The following SYNE2 variants were observed in gnomAD, a reference collection of about 807,000 sequenced individuals.
SYNE2 encodes nesprin-2.
Under a neutral mutation model 856.3 loss-of-function variants are expected in SYNE2, and 431 were observed. The observed-to-expected ratio is 0.50, with a 90% CI of 0.47 to 0.55. The LOEUF (loss-of-function observed/expected upper bound fraction) is 0.55, where lower values mean the gene tolerates loss of function less well. Ranked by LOEUF, SYNE2 falls within the 20% of genes least tolerant of loss-of-function variation. The probability of loss-of-function intolerance (pLI) is 0.00; values close to 1 mark genes in which losing one functional copy is unlikely to be tolerated. For missense variants in SYNE2, 8,129 were observed against 8,023.2 expected (o/e 1.01, Z -0.50); for synonymous variants, 2,923 against 2,872.3 (o/e 1.02, Z -0.56).
intron 1 of SYNE2, among the ~76,000 whole-genome samples, chr14:63,891,482 C>T (rs1746515935): frequency 6.6e-6 from 1 of 151,966 alleles, no homozygotes; most frequent in South Asian, 2.1e-4. Context: ...AGACATCCCC[C>T]TTTTCCTGGT....
At chr14:63,809,477 TTTG>T (rs1888528655) in intron 1 of SYNE2, among the ~76,000 whole-genome samples, 1 of 152,080 alleles carries the variant, frequency 6.6e-6, no homozygotes, top group Non-Finnish European at 1.5e-5. Flanking sequence ...AAGTGGGGTT[TTTG>T]TTTGTTTGTT....
chr14:63,964,962 C>CTT lies in SYNE2; in HGVS notation c.990+979_990+980dup, dbSNP rs750645462. ...GATTATTACCACATATTGAACATTT[C>CTT]TTTTTTTTTTTTTTTTTTGAGGCGG... On this transcript the variant is annotated intron_variant, in intron 10 of 115. Coordinates refer to ENST00000555002, the MANE Select transcript of SYNE2 (RefSeq NM_182914.3). Among the ~76,000 whole-genome samples the CTT allele has an allele frequency of 3.4e-3, 439 of 130,998 alleles. 5 individuals are homozygous for CTT. Among genetic ancestry groups the CTT allele is most frequent in the African/African-American group, 0.011 (402 of 35,806 alleles). The allele number at this position is 130,998 out of a possible 152,430, so 85.9% of individuals were successfully genotyped here. A position where few individuals can be genotyped will look rare whatever the true frequency, so the allele number is the denominator to read the frequency against.
rs528423261 is a variant in SYNE2 at position 63,995,269 on chromosome 14, A to T, written c.2940+67A>T. The T allele has an allele frequency of 2.9e-6, 4 of 1,398,958 alleles. No homozygotes were observed. The African/African-American group carries it at 5.7e-5, about 20-fold the overall frequency. The allele number at this position is 1,398,958 out of a possible 1,614,324, so 86.7% of individuals were successfully genotyped here. ...GGGTTTATCTTAAATGGTTGTGTGT[A>T]TCTTTAGCCTAGGATGAAAACTGTT... On this transcript the variant is annotated intron_variant, in intron 23 of 115. Coordinates refer to ENST00000555002, the MANE Select transcript of SYNE2 (RefSeq NM_182914.3).
chr14:63,866,400 C>T (rs1204197615), intron 1 of SYNE2, among the ~76,000 whole-genome samples: 1 of 152,184 alleles, frequency 6.6e-6, no homozygotes, highest in Non-Finnish European at 1.5e-5. Context: ...TAGTTGCTCA[C>T]ACCTGTAATC....
intron 51 of SYNE2, among the ~76,000 whole-genome samples, chr14:64,068,412 A>G (rs758368426): frequency 6.6e-6 from 1 of 152,020 alleles, no homozygotes; most frequent in Non-Finnish European, 1.5e-5. Context: ...ACTTTTTTTC[A>G]CTAAGCATAA....
intron 1 of SYNE2, among the ~76,000 whole-genome samples, chr14:63,846,717 C>T (rs1050328420): frequency 6.6e-6 from 1 of 151,952 alleles, no homozygotes; most frequent in African/African-American, 2.4e-5. Context: ...CTGCCTCAGC[C>T]TCCTGAGTAG....
chr14:64,090,696 TTCAAC>T (rs1462203172), intron 59 of SYNE2, among the ~76,000 whole-genome samples, 165 bp from the exon 60 acceptor site: 1 of 152,218 alleles, frequency 6.6e-6, no homozygotes, highest in Non-Finnish European at 1.5e-5. Context: ...TCCTGAGACT[TTCAAC>T]TCCCGGATCA....
At chr14:63,978,686 G>A (rs1340087548) in intron 13 of SYNE2, among the ~76,000 whole-genome samples, 166 bp from the exon 14 acceptor site, 1 of 152,110 alleles carries the variant, frequency 6.6e-6, no homozygotes, top group African/African-American at 2.4e-5. Context: ...CCTAGTCACA[G>A]TATTCGTTTT....
intron 10 of SYNE2, 105 bp from the exon 11 acceptor site, chr14:63,967,604 T>G: frequency 1.6e-6 from 2 of 1,263,790 alleles, no homozygotes; most frequent in Non-Finnish European, 2.2e-6. Context: ...TACCTTTAAG[T>G]AAAAACTTAA....
intron 96 of SYNE2, among the ~76,000 whole-genome samples, chr14:64,178,620 G>A (rs1432885688): frequency 3.3e-5 from 5 of 152,036 alleles, no homozygotes; most frequent in African/African-American, 4.8e-5. Context: ...CGCCATGCCC[G>A]GCTAATTTTT....
chr14:64,134,748 A>G (rs1272738637), intron 78 of SYNE2, among the ~76,000 whole-genome samples: 1 of 151,894 alleles, frequency 6.6e-6, no homozygotes, highest in Non-Finnish European at 1.5e-5. Context: ...AGGCCAAGGC[A>G]GGTGGATTGC....
At chr14:63,952,786 C>T (rs566167936) in intron 7 of SYNE2, among the ~76,000 whole-genome samples, 4 of 152,166 alleles carry the variant, frequency 2.6e-5, no homozygotes, top group South Asian at 2.1e-4. Flanking sequence ...CTTTTTTTCC[C>T]GTAAGTAAAC....
chr14:63,814,766 CCATATATATA>C (rs1482824662), intron 1 of SYNE2, among the ~76,000 whole-genome samples: 41 of 91,972 alleles, frequency 4.5e-4, no homozygotes, highest in Admixed American at 5.5e-4. Flanking sequence ...ATATATATAT[CCATATATATA>C]TCCATATATA....
intron 45 of SYNE2, among the ~76,000 whole-genome samples, chr14:64,032,594 C>T (rs368569360): frequency 2.4e-4 from 14 of 57,156 alleles, no homozygotes; most frequent in African/African-American, 7.8e-4. Flanking sequence ...GTTGTTGAGA[C>T]GGAGTTTCAC....
intron 2 of SYNE2, among the ~76,000 whole-genome samples, chr14:63,920,629 G>A (rs1289821696): frequency 6.6e-6 from 1 of 151,392 alleles, no homozygotes; most frequent in Non-Finnish European, 1.5e-5. Flanking sequence ...AGTCTTTAAG[G>A]GAGTGAGGGT....
intron 45 of SYNE2, among the ~76,000 whole-genome samples, chr14:64,045,430 C>T (rs1158927210): frequency 9.0e-6 from 1 of 110,584 alleles, no homozygotes; most frequent in Non-Finnish European, 1.8e-5. Context: ...TTCTCTTGGG[C>T]TGGGGGTGTA....
At chr14:63,996,182 C>T (rs1431069766) in intron 23 of SYNE2, among the ~76,000 whole-genome samples, 1 of 152,082 alleles carries the variant, frequency 6.6e-6, no homozygotes, top group Non-Finnish European at 1.5e-5. Context: ...CTCATGACGC[C>T]CTTCCTCTCC....
Position 63,917,479 on chromosome 14 carries a change from A to T in SYNE2, c.79+8252A>T, listed in dbSNP as rs118049370. 1.4e-3 allele frequency among the ~76,000 whole-genome samples: 216 copies of T among 152,000 alleles called. 2 individuals carry two copies. In the East Asian group the frequency reaches 0.015, roughly 10 times the overall value. On this transcript the variant is annotated intron_variant, in intron 2 of 115. Transcript: ENST00000555002. Reference sequence around the variant, plus strand: ...AGCTTTATAATCTTTTTATTTATTTATTTTTTTTGAGACGGAATTTCACTC... The same window carrying T: ...AGCTTTATAATCTTTTTATTTATTTTTTTTTTTTGAGACGGAATTTCACTC...
intron 10 of SYNE2, among the ~76,000 whole-genome samples, chr14:63,964,390 C>T (rs1031962650): frequency 1.2e-4 from 18 of 152,362 alleles, no homozygotes; most frequent in Admixed American, 4.6e-4. Context: ...TACTTTCACA[C>T]TATAACCCCA....
Sources: allele counts gnomAD v4.1 joint callset (sites outside exome capture counted in the v4.1 genomes callset), GRCh38; gene constraint gnomAD v4.1.1; transcripts MANE v1.5; gene names NCBI Gene and HGNC (gene_info 2026-07-23, HGNC 2026-07-21).